Variants in CIMAP2 observed in about 807,000 individuals in gnomAD.
CIMAP2 encodes ciliary microtubule-associated protein 2.
chr1:54,811,772 T>TTCCCCCCCC, the CIMAP2 span: 9 of 454,858 alleles, frequency 2.0e-5, no homozygotes, highest in South Asian at 3.2e-5. Flanking sequence ...ACAGCCTCCA[T>TTCCCCCCCC]GCCCCCACCC....
chr1:54,819,806 T>TTTTCTTTCTCTTTC, the CIMAP2 span, among the ~76,000 whole-genome samples: 430 of 136,448 alleles, frequency 3.2e-3, no homozygotes, highest in Non-Finnish European at 4.3e-3. Flanking sequence ...CTTTTCTTCT[T>TTTTCTTTCTCTTTC]TTTCTTTTTC....
the CIMAP2 span, chr1:54,811,916 C>G: frequency 6.2e-7 from 1 of 1,614,122 alleles, no homozygotes; most frequent in Non-Finnish European, 8.5e-7. Flanking sequence ...ACAAGCCACA[C>G]CCCCGGCCTC....
the CIMAP2 span, among the ~76,000 whole-genome samples, chr1:54,810,953 G>A: frequency 2.6e-5 from 4 of 152,164 alleles, no homozygotes; most frequent in African/African-American, 4.8e-5. Context: ...CTACTGGCCC[G>A]TCCATGCTCT....
At chr1:54,815,886 G>A in the CIMAP2 span, among the ~76,000 whole-genome samples, 1 of 125,408 alleles carries the variant, frequency 8.0e-6, no homozygotes, top group Non-Finnish European at 1.6e-5. Flanking sequence ...CTGACTTCCA[G>A]TAGCACAGGT....
the CIMAP2 span, among the ~76,000 whole-genome samples, chr1:54,817,639 A>G: frequency 5.3e-5 from 8 of 152,212 alleles, no homozygotes; most frequent in African/African-American, 7.2e-5. Context: ...GCCATATTTG[A>G]TTGACCTAAG....
At chr1:54,818,386 T>G in the CIMAP2 span, among the ~76,000 whole-genome samples, 2 of 150,092 alleles carry the variant, frequency 1.3e-5, no homozygotes, top group African/African-American at 2.4e-5. Flanking sequence ...TTTTTTTTTC[T>G]CTCTCTCTCT....
At chr1:54,822,394 T>C in the CIMAP2 span, among the ~76,000 whole-genome samples, 2 of 151,890 alleles carry the variant, frequency 1.3e-5, no homozygotes, top group South Asian at 4.1e-4. Context: ...TTTTTTTTTT[T>C]CAGTCTCTAT....
the CIMAP2 span, chr1:54,841,821 C>T: frequency 6.4e-7 from 1 of 1,562,654 alleles, no homozygotes; most frequent in Non-Finnish European, 8.7e-7. Flanking sequence ...ACACCATTTA[C>T]TAAGGGAAAG....
the CIMAP2 span, among the ~76,000 whole-genome samples, chr1:54,811,112 C>G: frequency 6.6e-6 from 1 of 152,198 alleles, no homozygotes; most frequent in Non-Finnish European, 1.5e-5. Flanking sequence ...GTATTCCTAT[C>G]CCATGGTACC....
At chr1:54,813,735 T>A in the CIMAP2 span, 3 of 1,457,416 alleles carry the variant, frequency 2.1e-6, no homozygotes, top group Non-Finnish European at 2.8e-6. Flanking sequence ...ATTGCTTTTC[T>A]CTGGTTGCGG....
At chr1:54,835,463 A>G in the CIMAP2 span, among the ~76,000 whole-genome samples, 1 of 152,150 alleles carries the variant, frequency 6.6e-6, no homozygotes, top group Admixed American at 6.5e-5. Context: ...TCCTGGGATT[A>G]CAGGCATGAG....
At chr1:54,821,056 A>G in the CIMAP2 span, among the ~76,000 whole-genome samples, 1 of 152,156 alleles carries the variant, frequency 6.6e-6, no homozygotes, top group Non-Finnish European at 1.5e-5. Context: ...GGCATGAGCC[A>G]CAGCACCCAG....
At chr1:54,809,404 G>GA in the CIMAP2 span, among the ~76,000 whole-genome samples, 1 of 152,158 alleles carries the variant, frequency 6.6e-6, no homozygotes, top group Non-Finnish European at 1.5e-5. Flanking sequence ...AGGGAGAGGG[G>GA]ATACCTGGAG....
At chr1:54,828,917 G>C in the CIMAP2 span, among the ~76,000 whole-genome samples, 1 of 152,162 alleles carries the variant, frequency 6.6e-6, no homozygotes, top group Admixed American at 6.5e-5. Context: ...GGCCAGAGGG[G>C]GCAACTGGAT....
chr1:54,817,207 G>GT, the CIMAP2 span: 1 of 1,545,762 alleles, frequency 6.5e-7, no homozygotes, highest in African/African-American at 1.4e-5. Context: ...CCCATGTTTG[G>GT]TTCCCATGGG....
the CIMAP2 span, among the ~76,000 whole-genome samples, chr1:54,807,255 T>G: frequency 6.6e-6 from 1 of 152,244 alleles, no homozygotes; most frequent in Non-Finnish European, 1.5e-5. Flanking sequence ...AACGAGGGAC[T>G]GCAGCACTCC....
At chr1:54,839,670 G>A in the CIMAP2 span, among the ~76,000 whole-genome samples, 10 of 152,098 alleles carry the variant, frequency 6.6e-5, no homozygotes, top group Admixed American at 4.6e-4. Flanking sequence ...GAGCCACCAT[G>A]CCCAGCCTAA....
At chr1:54,817,818 A>G in the CIMAP2 span, among the ~76,000 whole-genome samples, 1 of 152,102 alleles carries the variant, frequency 6.6e-6, no homozygotes, top group Non-Finnish European at 1.5e-5. Context: ...GTAATTTTAA[A>G]GAATATTTTA....
chr1:54,813,438 T>G, the CIMAP2 span, among the ~76,000 whole-genome samples: 1 of 152,330 alleles, frequency 6.6e-6, no homozygotes, highest in Middle Eastern at 3.4e-3. Context: ...GTCCAAATCC[T>G]CTGTGCTCCT....
Sources: gnomAD v4.1 joint callset for allele counts (sites outside exome capture counted in the v4.1 genomes callset) on GRCh38, gnomAD v4.1.1 for gene constraint, MANE v1.5 for transcripts, NCBI Gene and HGNC (gene_info 2026-07-23, HGNC 2026-07-21) for gene names.